Variants in OSCP1 observed in about 807,000 individuals in gnomAD.
OSCP1 encodes protein OSCP1.
In OSCP1, 35 loss-of-function variants were observed where a neutral mutation model predicts 45.1. The ratio of observed to expected loss-of-function variants is 0.78; its 90% CI spans 0.59 to 1.03. The LOEUF is 1.03. Ranked by LOEUF, OSCP1 falls within the 50% of genes least tolerant of loss-of-function variation. The pLI is 0.00. For synonymous variants in OSCP1, 179 were observed against 180.1 expected, an observed-to-expected ratio of 0.99 and a Z score of 0.05; for missense variants, 400 against 470.7, an observed-to-expected ratio of 0.85 and a Z score of 1.39.
chr1:36,422,069 A>G (rs1260179555), intron 7 of OSCP1, 81 bp downstream of exon 7: 3 of 1,368,602 alleles, frequency 2.2e-6, no homozygotes, highest in Admixed American at 1.7e-5. Flanking sequence ...TCCGAAATCT[A>G]AAGCGTTCTC....
At chr1:36,421,723 C>T (rs568155964) in intron 7 of OSCP1, among the ~76,000 whole-genome samples, 4 of 152,292 alleles carry the variant, frequency 2.6e-5, no homozygotes, top group African/African-American at 9.6e-5. Context: ...GCTAGTTCAG[C>T]GAAAACTTCT....
intron 2 of OSCP1, among the ~76,000 whole-genome samples, chr1:36,433,085 G>A (rs980657201): frequency 6.6e-6 from 1 of 152,358 alleles, no homozygotes; most frequent in Middle Eastern, 3.4e-3. Flanking sequence ...ATGTGTGCAA[G>A]TGGCAAGCAT....
At chr1:36,440,177 G>A (rs1334069067) in intron 1 of OSCP1, among the ~76,000 whole-genome samples, 1 of 152,224 alleles carries the variant, frequency 6.6e-6, no homozygotes, top group African/African-American at 2.4e-5. Context: ...CTGTGGCCAT[G>A]TCTCTTTAGA....
chr1:36,422,701 CTTT>C, intron 6 of OSCP1, 64 bp downstream of exon 6: 74 of 1,202,490 alleles, frequency 6.2e-5, no homozygotes, highest in South Asian at 1.7e-4. Flanking sequence ...GGCTGTTTCT[CTTT>C]TTTTTTTTTT....
In OSCP1 at chr1:36,420,527, C is replaced by T. The variant is rs1647557044; in HGVS notation, c.908G>A (p.Gly303Asp). 3 of 1,613,962 alleles carry T rather than the reference C, an allele frequency of 1.9e-6. No homozygotes were observed. Among genetic ancestry groups the T allele is most frequent in the African/African-American group, 1.3e-5 (1 of 74,872 alleles). The part of the protein sequence containing the change: ...MGGMEIKKPS[G>D]PEPGFRLNLF... ...ATTCAACCGGAATCCGGGCTCAGGG[C>T]CACTGGGTTTCTTAATCTCCATCCC... Residue 303 changes from glycine (G) to aspartate (D), a missense_variant, in exon 8 of 10, where the codon GGC (glycine) becomes GAC (aspartate). Physicochemically the swap from Gly to Asp is moderately conservative, Grantham distance 94. Transcript: ENST00000235532.
chr1:36,446,017 A>G (rs1324007219), intron 1 of OSCP1, among the ~76,000 whole-genome samples: 1 of 145,202 alleles, frequency 6.9e-6, no homozygotes, highest in Admixed American at 7.1e-5. Context: ...CCGGCCTGGC[A>G]TTTATTTTTT....
chr1:36,422,362 T>A (rs1647693597), intron 6 of OSCP1, 143 bp from the exon 7 acceptor site: 1 of 792,878 alleles, frequency 1.3e-6, no homozygotes, highest in Non-Finnish European at 2.1e-6. Flanking sequence ...TGCAACTGAG[T>A]GTGTGTTAAC....
At position 36,418,173 on chromosome 1, in the gene OSCP1, C is replaced by A; in HGVS notation, c.1106G>T (p.Gly369Val). ...TEQPRLSTSKGDDLLAMMDEL is the reference protein window; with the variant it reads ...TEQPRLSTSKVDDLLAMMDEL ...ATCCATCATGGCGAGCAAATCGTCCCCTTTGCTGGTGCTCAGCCTTGGCTG... is the reference window on the plus strand; with the variant it reads ...ATCCATCATGGCGAGCAAATCGTCCACTTTGCTGGTGCTCAGCCTTGGCTG... The change falls in exon 10 of 10, where the codon GGG becomes GTG. Residue 369 changes from glycine to valine, a missense_variant. Gly to Val is a moderately radical substitution (Grantham distance 109). Coordinates refer to ENST00000235532, the MANE Select transcript of OSCP1 (RefSeq NM_145047.5). 2 of 1,614,166 alleles carry A rather than the reference C, an allele frequency of 1.2e-6. No homozygotes were observed. The highest frequency in any genetic ancestry group is 1.3e-5 in the African/African-American group (1 of 75,038).
rs1316396494 is a variant in OSCP1 at position 36,447,109 on chromosome 1, T to A, written c.112+3149A>T. Among the ~76,000 whole-genome samples the A allele has an allele frequency of 6.6e-6, 1 of 152,130 alleles. No homozygotes were observed. On this transcript the variant is annotated intron_variant, in intron 1 of 9. Transcript: ENST00000235532. The surrounding 1 kb of genome is among the most constrained non-coding windows in gnomAD (Gnocchi z 4.1). ...AAGAAATATGATTTCCACTCAAAGC[T>A]TCGAAGAGGACTAGTTTACCAAGTC... is the stretch of plus-strand genomic sequence containing the variant.
At chr1:36,437,758 A>G (rs559806112) in intron 2 of OSCP1, among the ~76,000 whole-genome samples, 1 of 152,206 alleles carries the variant, frequency 6.6e-6, no homozygotes, top group African/African-American at 2.4e-5. Flanking sequence ...ACATCAAGTG[A>G]TCCGCCTGTC....
chr1:36,439,743 C>A (rs553435511), intron 1 of OSCP1, among the ~76,000 whole-genome samples: 35 of 152,290 alleles, frequency 2.3e-4, no homozygotes, highest in African/African-American at 7.9e-4. Flanking sequence ...CACATTTGAT[C>A]TATAATCTTG....
chr1:36,445,783 C>T (rs948436206), intron 1 of OSCP1, among the ~76,000 whole-genome samples: 5 of 152,138 alleles, frequency 3.3e-5, no homozygotes, highest in South Asian at 2.1e-4. Context: ...GGTGCGATCT[C>T]GGCTCACTGC....
chr1:36,435,619 A>C (rs1260371588), intron 2 of OSCP1, among the ~76,000 whole-genome samples: 1 of 151,944 alleles, frequency 6.6e-6, no homozygotes, highest in Non-Finnish European at 1.5e-5. Context: ...GAAGGCTCAG[A>C]GAGTTAAAGT....
intron 1 of OSCP1, among the ~76,000 whole-genome samples, chr1:36,449,730 G>T (rs1649765167): frequency 6.7e-6 from 1 of 148,758 alleles, no homozygotes; most frequent in Admixed American, 6.8e-5. Flanking sequence ...CCAGCTACTT[G>T]GGAGGCTGAG....
chr1:36,421,550 G>A (rs1317994312), intron 7 of OSCP1, among the ~76,000 whole-genome samples: 1 of 152,174 alleles, frequency 6.6e-6, no homozygotes, highest in South Asian at 2.1e-4. Flanking sequence ...CCTCATTTGA[G>A]TTGTTTCTTT....
chr1:36,438,798 A>C lies in OSCP1; in HGVS notation c.225T>G (p.Ala75=). 6.2e-7 allele frequency: 1 copy of C among 1,613,880 alleles called. No homozygotes were observed. Among genetic ancestry groups the C allele is most frequent in the South Asian group, 1.1e-5 (1 of 91,018 alleles). Residue 75 remains alanine, a synonymous_variant, in exon 2 of 10, where the codon GCT becomes GCG. Transcript: ENST00000235532. ...KALRTVYERL[A]HASIMKLNQA... is the part of the protein sequence containing the mutation. Reference sequence around the variant, plus strand: ...GGTTCAGTTTCATAATGGAGGCATGAGCCAGGCGCTCATAGACAGTCCTCA... The same window carrying C: ...GGTTCAGTTTCATAATGGAGGCATGCGCCAGGCGCTCATAGACAGTCCTCA...
chr1:36,420,346 AT>A, intron 8 of OSCP1, 129 bp downstream of exon 8: 1 of 1,146,860 alleles, frequency 8.7e-7, no homozygotes, highest in Non-Finnish European at 1.2e-6. Flanking sequence ...AGATTATTAA[AT>A]TTGTTGGTAT....
At chr1:36,444,142 T>G (rs1016541674) in intron 1 of OSCP1, 1 of 1,325,984 alleles carries the variant, frequency 7.5e-7, no homozygotes, top group Non-Finnish European at 1.1e-6. Context: ...AAACTTTACT[T>G]TTCACGTTGG....
chr1:36,446,745 T>C (rs1441497263), intron 1 of OSCP1, among the ~76,000 whole-genome samples: 1 of 152,278 alleles, frequency 6.6e-6, no homozygotes, highest in Non-Finnish European at 1.5e-5. Context: ...TGTGCTACAC[T>C]GTGATTGGCA....
Sources: allele counts gnomAD v4.1 joint callset (sites outside exome capture counted in the v4.1 genomes callset), GRCh38; gene constraint gnomAD v4.1.1; non-coding constraint Gnocchi (gnomAD v3.1); transcripts MANE v1.5; gene names NCBI Gene and HGNC (gene_info 2026-07-23, HGNC 2026-07-21).